The following TOX3 variants were observed in gnomAD, a reference collection of about 807,000 sequenced individuals.
The protein encoded by TOX3 is TOX high mobility group box family member 3.
In TOX3, 22 loss-of-function variants were observed where a neutral mutation model predicts 64.3. The ratio of observed to expected loss-of-function variants is 0.34; its 90% CI spans 0.24 to 0.49. TOX3 has a LOEUF of 0.49. Ranked by LOEUF, TOX3 falls within the 20% of genes least tolerant of loss-of-function variation. TOX3 has a pLI of 0.99. For missense variants in TOX3, 661 were observed against 714.4 expected, an observed-to-expected ratio of 0.93 and a Z score of 0.85; for synonymous variants, 291 against 273.6, an observed-to-expected ratio of 1.06 and a Z score of -0.63.
intron 1 of TOX3, among the ~76,000 whole-genome samples, chr16:52,531,675 T>A (rs1417790318): frequency 1.3e-5 from 2 of 152,196 alleles, no homozygotes; most frequent in Non-Finnish European, 2.9e-5. Flanking sequence ...GATAGGTAGA[T>A]ACAGCAGAAA....
rs574925036 is a variant in TOX3 at position 52,539,167 on chromosome 16, T to C, written c.87+7470A>G. On this transcript the variant is annotated intron_variant, in intron 1 of 6. Coordinates refer to ENST00000219746, the MANE Select transcript of TOX3 (RefSeq NM_001080430.4). Reference sequence around the variant, plus strand: ...AATGTTTTCATTCATAAATGGCTAATATGGTTTTAAATTATGTTATCACAA... The same window carrying C: ...AATGTTTTCATTCATAAATGGCTAACATGGTTTTAAATTATGTTATCACAA... 9.8e-5 allele frequency among the ~76,000 whole-genome samples: 15 copies of C among 152,366 alleles called. No individual in the cohort carries two copies. The South Asian group carries it at 2.1e-3, about 21-fold the overall frequency.
At chr16:52,539,664 C>T (rs1963033351) in intron 1 of TOX3, among the ~76,000 whole-genome samples, 1 of 152,208 alleles carries the variant, frequency 6.6e-6, no homozygotes, top group African/African-American at 2.4e-5. Flanking sequence ...AAGACTCCAT[C>T]TTTGGTTGTT....
At position 52,439,747 on chromosome 16, in the gene TOX3, A is replaced by G; in HGVS notation, c.1209T>C (p.Ile403=). 6.2e-7 allele frequency: 1 copy of G among 1,613,984 alleles called. No homozygotes were observed. The highest frequency in any genetic ancestry group is 2.2e-5 in the East Asian group (1 of 44,870). Residue 403 remains isoleucine (I), a synonymous_variant, in exon 7 of 7, where the codon ATT becomes ATC. Transcript: ENST00000219746. Reference sequence around the variant, plus strand: ...CAATGTTCGAGGGCATGTTGGCTGCAATGGTGACTGATGTGACAATCTGGT... The same window carrying G: ...CAATGTTCGAGGGCATGTTGGCTGCGATGGTGACTGATGTGACAATCTGGT... ...PMNQIVTSVT[I]AANMPSNIGA... is the part of the protein sequence containing the mutation.
chr16:52,511,702 T>G (rs1228124491), intron 1 of TOX3, among the ~76,000 whole-genome samples: 2 of 152,144 alleles, frequency 1.3e-5, no homozygotes, highest in Non-Finnish European at 2.9e-5. Context: ...ATGCAGAGAA[T>G]TCTAACCCAA....
chr16:52,501,619 C>A (rs1226231070), intron 1 of TOX3, among the ~76,000 whole-genome samples: 1 of 151,550 alleles, frequency 6.6e-6, no homozygotes, highest in Non-Finnish European at 1.5e-5. Context: ...GACACCGCGC[C>A]ACTGCACTCC....
At chr16:52,481,954 C>G (rs1264298346) in intron 1 of TOX3, among the ~76,000 whole-genome samples, 1 of 152,164 alleles carries the variant, frequency 6.6e-6, no homozygotes, top group Non-Finnish European at 1.5e-5. Context: ...GCAGGAAGGA[C>G]AGAAATCACA....
At chr16:52,546,376 G>A (rs1007093739) in intron 1 of TOX3, among the ~76,000 whole-genome samples, 4 of 152,038 alleles carry the variant, frequency 2.6e-5, no homozygotes, top group Non-Finnish European at 5.9e-5. Context: ...GCTTTTTGGG[G>A]GCAGCAAAGG....
intron 1 of TOX3, among the ~76,000 whole-genome samples, chr16:52,499,686 G>A (rs1440660264): frequency 6.6e-6 from 1 of 152,144 alleles, no homozygotes; most frequent in Non-Finnish European, 1.5e-5. Context: ...AAAGATCTAA[G>A]ACCCACCCCA....
At chr16:52,505,489 T>C (rs1485561412) in intron 1 of TOX3, among the ~76,000 whole-genome samples, 1 of 152,214 alleles carries the variant, frequency 6.6e-6, no homozygotes, top group African/African-American at 2.4e-5. Context: ...AGCATAGGAA[T>C]AATTACAGAT....
At chr16:52,450,570 G>C (rs1477209020) in intron 3 of TOX3, 24 bp from the exon 4 acceptor site, 2 of 1,612,740 alleles carry the variant, frequency 1.2e-6, no homozygotes, top group Admixed American at 3.3e-5. Context: ...AACAAAGGGG[G>C]AAAATATTTC....
At chr16:52,451,928 G>A (rs962682363) in intron 3 of TOX3, among the ~76,000 whole-genome samples, 1 of 152,000 alleles carries the variant, frequency 6.6e-6, no homozygotes, top group African/African-American at 2.4e-5. Context: ...TGCATATTGA[G>A]GGGGCTTGTC....
At chr16:52,465,886 T>C (rs1960850234) in intron 2 of TOX3, among the ~76,000 whole-genome samples, 2 of 152,216 alleles carry the variant, frequency 1.3e-5, no homozygotes, top group African/African-American at 4.8e-5. Flanking sequence ...AGCAGAATAA[T>C]ACATTTGAAT....
At chr16:52,450,648 G>A (rs951243898) in intron 3 of TOX3, 102 bp from the exon 4 acceptor site, 2 of 1,438,942 alleles carry the variant, frequency 1.4e-6, no homozygotes, top group South Asian at 2.6e-5. Context: ...CTGTTGCAAT[G>A]TTGATAGGTC....
chr16:52,528,538 A>G (rs956800075), intron 1 of TOX3, among the ~76,000 whole-genome samples: 1 of 152,062 alleles, frequency 6.6e-6, no homozygotes, highest in Non-Finnish European at 1.5e-5. Context: ...CCCAGTTCAA[A>G]CCGGGCAGAC....
chr16:52,462,871 T>C (rs978515828), intron 3 of TOX3, among the ~76,000 whole-genome samples: 1 of 151,816 alleles, frequency 6.6e-6, no homozygotes, highest in African/African-American at 2.4e-5. Context: ...ATAAAAACCC[T>C]GATGTTCAGC....
At chr16:52,531,107 A>G (rs994966596) in intron 1 of TOX3, among the ~76,000 whole-genome samples, 1 of 152,250 alleles carries the variant, frequency 6.6e-6, no homozygotes, top group African/African-American at 2.4e-5. Context: ...TCGTTAGCCA[A>G]AGCCAGGATT....
intron 1 of TOX3, among the ~76,000 whole-genome samples, chr16:52,500,207 C>T (rs529767458): frequency 6.6e-6 from 1 of 152,314 alleles, no homozygotes; most frequent in Non-Finnish European, 1.5e-5. Context: ...TACTCTATAT[C>T]TGTATGCTTC....
chr16:52,479,234 G>A (rs1380209423), intron 1 of TOX3, among the ~76,000 whole-genome samples: 3 of 152,068 alleles, frequency 2.0e-5, no homozygotes, highest in Non-Finnish European at 4.4e-5. Context: ...AAACTACTTG[G>A]GCAAAGGCCT....
intron 1 of TOX3, among the ~76,000 whole-genome samples, chr16:52,517,934 A>G (rs1962500631): frequency 6.6e-6 from 1 of 152,176 alleles, no homozygotes; most frequent in Non-Finnish European, 1.5e-5. Flanking sequence ...AGTGCTTTCA[A>G]TTTTATCTAA....
Sources: allele counts gnomAD v4.1 joint callset (sites outside exome capture counted in the v4.1 genomes callset), GRCh38; gene constraint gnomAD v4.1.1; transcripts MANE v1.5; gene names NCBI Gene and HGNC (gene_info 2026-07-23, HGNC 2026-07-21).